RUVBL1: variants seen among roughly 807,000 people sequenced by gnomAD.
RUVBL1 encodes the protein ruvB-like 1.
A neutral mutation model predicts 52.4 loss-of-function variants in RUVBL1; 4 were observed. The observed-to-expected ratio is 0.08, with a 90% confidence interval of 0.04 to 0.17. RUVBL1 has a LOEUF of 0.17. Ranked by LOEUF, RUVBL1 falls within the 10% of genes least tolerant of loss-of-function variation. RUVBL1 has a pLI of 1.00. For synonymous variants in RUVBL1, 217 were observed against 214.4 expected (o/e 1.01, Z -0.10); for missense variants, 298 against 572.8 (o/e 0.52, Z 4.90).
At chr3:128,105,263 G>A (rs2107696214) in intron 3 of RUVBL1, among the ~76,000 whole-genome samples, 1 of 151,976 alleles carries the variant, frequency 6.6e-6, no homozygotes. Context: ...GGGACTACAG[G>A]CGCCCGCCAC....
chr3:128,103,594 G>A (rs746465290), intron 4 of RUVBL1, among the ~76,000 whole-genome samples: 13 of 152,210 alleles, frequency 8.5e-5, no homozygotes, highest in Non-Finnish European at 1.3e-4. Context: ...TTATAGATGA[G>A]AAAACTGAGT....
intron 3 of RUVBL1, among the ~76,000 whole-genome samples, chr3:128,106,349 G>A (rs534233808): frequency 6.6e-6 from 1 of 152,242 alleles, no homozygotes; most frequent in East Asian, 1.9e-4. Flanking sequence ...TTAACTTTTA[G>A]AACGTGATCT....
intron 2 of RUVBL1, among the ~76,000 whole-genome samples, chr3:128,118,973 C>T (rs552318749): frequency 1.1e-3 from 175 of 152,302 alleles, no homozygotes; most frequent in African/African-American, 4.0e-3. Context: ...GAATGCTTGA[C>T]TCATTTTTTT....
At chr3:128,124,320 G>C (rs1943747620), upstream of RUVBL1, among the ~76,000 whole-genome samples, 1 of 151,834 alleles carries the variant, frequency 6.6e-6, no homozygotes, top group Non-Finnish European at 1.5e-5. Flanking sequence ...CGAGAGATAA[G>C]GTTCCTGCTG....
intron 1 of RUVBL1, among the ~76,000 whole-genome samples, chr3:128,151,936 T>C (rs1452411103): frequency 6.6e-6 from 1 of 152,222 alleles, no homozygotes; most frequent in Non-Finnish European, 1.5e-5. Flanking sequence ...AAACACTCTC[T>C]TCTCCAGAAA....
chr3:128,104,465 G>A (rs902611924), intron 4 of RUVBL1, among the ~76,000 whole-genome samples: 4 of 152,226 alleles, frequency 2.6e-5, no homozygotes, highest in African/African-American at 9.6e-5. Flanking sequence ...GGTATTTGAT[G>A]CATGGTCATA....
intron 8 of RUVBL1, among the ~76,000 whole-genome samples, chr3:128,089,000 CAT>C (rs1046531217): frequency 1.1e-4 from 16 of 152,166 alleles, no homozygotes; most frequent in African/African-American, 2.4e-4. Context: ...TAGAGCTACA[CAT>C]GAGTTATCTA....
Position 128,099,060 on chromosome 3 carries a change from C to T in RUVBL1, c.754-115G>A, listed in dbSNP as rs1943056174. 8.4e-6 allele frequency: 7 copies of T among 829,300 alleles called. No individual in the cohort carries two copies. The South Asian group carries it at 1.0e-4, about 12-fold the overall frequency. 51.4% of individuals were successfully genotyped at this position (829,300 alleles called of 1,614,324 possible). On this transcript the variant is annotated intron_variant, in intron 6 of 10. Coordinates refer to ENST00000322623, the MANE Select transcript of RUVBL1 (RefSeq NM_003707.3). ...GGGATCCTGAGGTATGGAGACCCCT[C>T]CTCAAAGCCTGAGGAGCTTCTAAAC...
At chr3:128,120,134 A>G (rs544888948) in intron 1 of RUVBL1, among the ~76,000 whole-genome samples, 5 of 152,340 alleles carry the variant, frequency 3.3e-5, no homozygotes, top group African/African-American at 1.2e-4. Flanking sequence ...CAGGGGCCCA[A>G]ATACCTCTTG....
intron 1 of RUVBL1, among the ~76,000 whole-genome samples, chr3:128,140,051 T>C (rs932528199): frequency 2.0e-5 from 3 of 152,064 alleles, no homozygotes; most frequent in Non-Finnish European, 4.4e-5. Flanking sequence ...GTAACACAAA[T>C]AAATTATGTA....
intron 9 of RUVBL1, among the ~76,000 whole-genome samples, chr3:128,065,732 ATTTTTTTTT>A (rs758640768): frequency 1.0e-5 from 1 of 97,508 alleles, no homozygotes; most frequent in East Asian, 3.0e-4. Flanking sequence ...ATCATTAAGA[ATTTTTTTTT>A]TTTTTTTTTT....
At chr3:128,151,773 A>G (rs1270191510) in intron 1 of RUVBL1, among the ~76,000 whole-genome samples, 1 of 152,136 alleles carries the variant, frequency 6.6e-6, no homozygotes, top group Non-Finnish European at 1.5e-5. Context: ...GACACAATTC[A>G]GTCTATGACA....
At chr3:128,112,845 AG>A (rs1188960216) in intron 3 of RUVBL1, 42 bp downstream of exon 3, 1 of 1,603,836 alleles carries the variant, frequency 6.2e-7, no homozygotes, top group South Asian at 1.1e-5. Context: ...CACAGGCTTC[AG>A]GAAGTGAGAC....
At chr3:128,117,616 GTT>G (rs772377287) in intron 2 of RUVBL1, among the ~76,000 whole-genome samples, 16 of 140,716 alleles carry the variant, frequency 1.1e-4, no homozygotes, top group African/African-American at 3.9e-4. Context: ...CAGTTTTTTT[GTT>G]TTTTTTTTTT....
intron 9 of RUVBL1, chr3:128,069,328 G>A (rs1942082803): frequency 1.3e-6 from 1 of 753,710 alleles, no homozygotes; most frequent in Non-Finnish European, 2.2e-6. Flanking sequence ...TTGGCCTAGA[G>A]CGCTAGCATG....
At chr3:128,112,245 T>C (rs1943410948) in intron 3 of RUVBL1, among the ~76,000 whole-genome samples, 1 of 152,242 alleles carries the variant, frequency 6.6e-6, no homozygotes. Context: ...ATGAGAAAGA[T>C]GTCGGATCAA....
exon 10 of RUVBL1, chr3:128,065,183 A>G (rs1282333378): frequency 8.6e-6 from 8 of 930,000 alleles, no homozygotes; most frequent in Non-Finnish European, 1.2e-5. Flanking sequence ...GCAGGTTTCC[A>G]GATGAGCTGG....
At chr3:128,105,852 T>C (rs1444836716) in intron 3 of RUVBL1, among the ~76,000 whole-genome samples, 1 of 148,916 alleles carries the variant, frequency 6.7e-6, no homozygotes, top group Non-Finnish European at 1.5e-5. Context: ...TTTCTTTCTT[T>C]CTTTCCCTTT....
chr3:128,138,014 A>C (rs560151964), intron 1 of RUVBL1, among the ~76,000 whole-genome samples: 34 of 152,296 alleles, frequency 2.2e-4, no homozygotes, highest in Non-Finnish European at 4.7e-4. Flanking sequence ...AAAAGCCCTC[A>C]AAAAACTTGG....
Sources: allele counts gnomAD v4.1 joint callset (sites outside exome capture counted in the v4.1 genomes callset), GRCh38; gene constraint gnomAD v4.1.1; transcripts MANE v1.5; gene names NCBI Gene and HGNC (gene_info 2026-07-23, HGNC 2026-07-21).